Variants in DGCR2 observed in about 807,000 individuals in gnomAD.
DGCR2 encodes the protein integral membrane protein DGCR2/IDD.
Under a neutral mutation model 51.6 loss-of-function variants are expected in DGCR2, and 24 were observed. The ratio of observed to expected loss-of-function variants is 0.47; its 90% CI spans 0.34 to 0.65. The LOEUF is 0.65. Among genes scored for constraint, DGCR2 ranks in the 30% least tolerant of loss-of-function variants. DGCR2 has a pLI of 0.01. For missense variants in DGCR2, 765 were observed against 772.1 expected (o/e 0.99, Z 0.11); for synonymous variants, 340 against 315.4 (o/e 1.08, Z -0.82).
chr22:19,103,038 G>A (rs1285987774), intron 1 of DGCR2, among the ~76,000 whole-genome samples: 1 of 152,070 alleles, frequency 6.6e-6, no homozygotes, highest in East Asian at 1.9e-4. Context: ...TAAATTTTAT[G>A]TTACATATAT....
chr22:19,108,873 A>T (rs2083286617), intron 1 of DGCR2, among the ~76,000 whole-genome samples: 1 of 150,680 alleles, frequency 6.6e-6, no homozygotes, highest in Admixed American at 6.6e-5. Context: ...AAAAAAAAAA[A>T]TCAAAAAATT....
At chr22:19,062,484 G>A (rs1038784930) in intron 5 of DGCR2, among the ~76,000 whole-genome samples, 10 of 152,188 alleles carry the variant, frequency 6.6e-5, no homozygotes, top group African/African-American at 1.4e-4. Context: ...GCAGGACTGG[G>A]ATGTGTTTAC....
chr22:19,069,807 T>TACTC (rs2082793372), intron 2 of DGCR2, among the ~76,000 whole-genome samples: 1 of 152,206 alleles, frequency 6.6e-6, no homozygotes, highest in African/African-American at 2.4e-5. Context: ...ACTCACTCAG[T>TACTC]ACTCAATAAG....
chr22:19,071,058 C>G (rs1035560546), intron 2 of DGCR2, among the ~76,000 whole-genome samples: 1 of 152,232 alleles, frequency 6.6e-6, no homozygotes, highest in African/African-American at 2.4e-5. Context: ...CTTTGGTAAG[C>G]TGGGGGGCCT....
chr22:19,094,454 G>T (rs749641516), intron 1 of DGCR2, among the ~76,000 whole-genome samples: 1 of 152,196 alleles, frequency 6.6e-6, no homozygotes, highest in Non-Finnish European at 1.5e-5. Context: ...AAAAAACCAT[G>T]AAGAGAAACC....
chr22:19,053,320 TG>T (rs1433842245), intron 6 of DGCR2, among the ~76,000 whole-genome samples: 1 of 152,096 alleles, frequency 6.6e-6, no homozygotes. Flanking sequence ...AGTCACACAG[TG>T]GACTACTGCT....
chr22:19,042,294 G>A (rs978599699), intron 7 of DGCR2, among the ~76,000 whole-genome samples: 3 of 152,200 alleles, frequency 2.0e-5, no homozygotes, highest in Non-Finnish European at 4.4e-5. Context: ...CTCATGTGCT[G>A]TGTACCCCAG....
At chr22:19,094,423 TCAA>T (rs143261821) in intron 1 of DGCR2, among the ~76,000 whole-genome samples, 14,340 of 152,234 alleles carry the variant, frequency 0.094, 738 homozygotes, top group Middle Eastern at 0.15. Flanking sequence ...AGACTCCGTC[TCAA>T]CAAACAAAAA....
chr22:19,040,173 G>A (rs189358559), intron 9 of DGCR2, among the ~76,000 whole-genome samples: 34 of 152,326 alleles, frequency 2.2e-4, no homozygotes, highest in Non-Finnish European at 4.0e-4. Context: ...ATCCCTTGCA[G>A]GAAGCTGGTC....
At chr22:19,062,338 C>G (rs1306268795) in intron 5 of DGCR2, among the ~76,000 whole-genome samples, 1 of 152,212 alleles carries the variant, frequency 6.6e-6, no homozygotes, top group East Asian at 1.9e-4. Flanking sequence ...GTCCCAGCAG[C>G]CAGGCATGGC....
In DGCR2 at chr22:19,122,370, C is replaced by T; in HGVS notation, c.-164G>A. Reference sequence around the variant, plus strand: ...GCTGGGCCGCGGGCTGGCGCACACTCTCGGCTGCAACCTCAGGCACCGACT... The same window carrying T: ...GCTGGGCCGCGGGCTGGCGCACACTTTCGGCTGCAACCTCAGGCACCGACT... On this transcript the variant is annotated 5_prime_UTR_variant, in exon 1 of 10. Transcript: ENST00000263196. 2.0e-6 allele frequency: 1 copy of T among 507,274 alleles called. No individual in the cohort carries two copies. Among genetic ancestry groups the T allele is most frequent in the South Asian group, 3.0e-5 (1 of 33,848 alleles). 31.4% of individuals were successfully genotyped at this position (507,274 alleles called of 1,614,324 possible). A position where few individuals can be genotyped will look rare whatever the true frequency, so the allele number is the denominator to read the frequency against.
chr22:19,058,702 C>T (rs553968090), intron 5 of DGCR2, among the ~76,000 whole-genome samples: 42 of 152,362 alleles, frequency 2.8e-4, no homozygotes, highest in African/African-American at 7.9e-4. Flanking sequence ...AACTACAGTA[C>T]ATGACAGCAG....
At chr22:19,063,970 A>G (rs1334399280) in intron 4 of DGCR2, among the ~76,000 whole-genome samples, 1 of 152,196 alleles carries the variant, frequency 6.6e-6, no homozygotes, top group Non-Finnish European at 1.5e-5. Context: ...GGCTGAAAAC[A>G]CTTGCACGGC....
chr22:19,046,598 T>C (rs890674345), intron 7 of DGCR2: 1 of 196,588 alleles, frequency 5.1e-6, no homozygotes, highest in Non-Finnish European at 1.2e-5. Context: ...GAGGGGACAT[T>C]CTGATGCTTA....
chr22:19,066,996 G>A (rs180718639), intron 3 of DGCR2, among the ~76,000 whole-genome samples: 1 of 152,338 alleles, frequency 6.6e-6, no homozygotes, highest in Non-Finnish European at 1.5e-5. Context: ...ACAGGCCGGA[G>A]ACAAAGTGCA....
chr22:19,068,176 C>A lies in DGCR2; in HGVS notation c.252G>T (p.Pro84=). The change falls in exon 3 of 10, where the codon CCG becomes CCT. Residue 84 remains proline, a synonymous_variant. Transcript: ENST00000263196. ...CGCCTCCTCTGGCCCGCCCCTGCCG[C>A]GGATCCACAGCCTCCTTCCCATGAT... ...RPHHGKEAVD[P]RQGRARGGDP... is the part of the protein sequence containing the mutation. 1 of 1,611,472 alleles carries A rather than the reference C, an allele frequency of 6.2e-7. No individual in the cohort carries two copies. Among genetic ancestry groups the A allele is most frequent in the African/African-American group, 1.3e-5 (1 of 74,946 alleles).
chr22:19,058,743 G>A (rs984897075), intron 5 of DGCR2, among the ~76,000 whole-genome samples: 3 of 152,184 alleles, frequency 2.0e-5, no homozygotes, highest in African/African-American at 4.8e-5. Context: ...TGACCTCTCC[G>A]GGCAGAGTCC....
intron 5 of DGCR2, among the ~76,000 whole-genome samples, chr22:19,059,267 AGAGGCCAC>A (rs2082635259): frequency 6.6e-6 from 1 of 152,130 alleles, no homozygotes; most frequent in African/African-American, 2.4e-5. Context: ...GAGACCAGAC[AGAGGCCAC>A]GAGCACAATC....
intron 2 of DGCR2, among the ~76,000 whole-genome samples, chr22:19,083,353 T>C (rs908744653): frequency 8.5e-5 from 13 of 152,198 alleles, no homozygotes; most frequent in African/African-American, 2.9e-4. Context: ...TGAGCCAATT[T>C]TGAAGTAAAT....
Sources: gnomAD v4.1 joint callset for allele counts (sites outside exome capture counted in the v4.1 genomes callset) on GRCh38, gnomAD v4.1.1 for gene constraint, MANE v1.5 for transcripts, NCBI Gene and HGNC (gene_info 2026-07-23, HGNC 2026-07-21) for gene names.